The following MYO19 variants were observed in gnomAD, a reference collection of about 807,000 sequenced individuals.
MYO19 encodes unconventional myosin-XIX.
A neutral mutation model predicts 129.2 loss-of-function variants in MYO19; 132 were observed. The ratio of observed to expected loss-of-function variants is 1.02; its 90% CI spans 0.89 to 1.18. The LOEUF is 1.18. Among genes scored for constraint, MYO19 ranks in the 50% most tolerant of loss-of-function variants. The pLI is 0.00. For missense variants in MYO19, 1,210 were observed against 1,216.7 expected, an observed-to-expected ratio of 0.99 and a Z score of 0.08; for synonymous variants, 531 against 477.2, an observed-to-expected ratio of 1.11 and a Z score of -1.47.
chr17:36,536,524 CTTTTTTTTTT>C (rs10715370), upstream of MYO19, among the ~76,000 whole-genome samples: 1 of 125,540 alleles, frequency 8.0e-6, no homozygotes, highest in Admixed American at 9.0e-5. Flanking sequence ...TTTTCTTTTC[CTTTTTTTTTT>C]TTTTTTTTTG....
In MYO19 at chr17:36,531,004, G is replaced by A. The variant is rs2073801065; in HGVS notation, c.12+1523C>T. Among the ~76,000 whole-genome samples the A allele has an allele frequency of 2.6e-5, 4 of 152,206 alleles. No homozygotes were observed. The South Asian group carries it at 8.3e-4, about 32-fold the overall frequency. ...TGTAAAAGCACTTTGGGAGGCTGAG[G>A]CAGACGGATCACTTGAGGTCAGGAG... On this transcript the variant is annotated intron_variant, in intron 3 of 25. Coordinates refer to ENST00000614623, the MANE Select transcript of MYO19 (RefSeq NM_001163735.2).
intron 16 of MYO19, 77 bp downstream of exon 16, chr17:36,507,322 G>A: frequency 6.8e-7 from 1 of 1,468,782 alleles, no homozygotes; most frequent in Non-Finnish European, 9.4e-7. Context: ...GCACAGAGAG[G>A]AAACAGGATA....
At chr17:36,520,508 C>A (rs2038242915) in intron 6 of MYO19, among the ~76,000 whole-genome samples, 1 of 152,108 alleles carries the variant, frequency 6.6e-6, no homozygotes, top group African/African-American at 2.4e-5. Flanking sequence ...TTGCATGGGT[C>A]CACTTATACG....
chr17:36,532,146 A>T lies in MYO19; in HGVS notation c.12+381T>A, dbSNP rs115873495. ...CCTGGAGTGCTTATTTTCCTTCTCC[A>T]AGTGGCTAATTCTTTCTAGTTCTTT... On this transcript the variant is annotated intron_variant, in intron 3 of 25. Transcript: ENST00000614623. Among the ~76,000 whole-genome samples, 390 of 152,236 alleles carry T rather than the reference A, an allele frequency of 2.6e-3. 1 individual carries two copies. Among genetic ancestry groups the T allele is most frequent in the African/African-American group, 9.0e-3 (372 of 41,534 alleles).
rs2072601413 is a variant in MYO19, at chr17:36,514,493, C to A, written c.673G>T (p.Val225Leu). ...VQTYLLEKTR[V>L]ACQASSERNF... Reference sequence around the variant, plus strand: ...CTCTCACTGGAAGCCTGGCAGGCCACTCGAGTTTTCTCTAGGAGGTAGGTC... The same window carrying A: ...CTCTCACTGGAAGCCTGGCAGGCCAATCGAGTTTTCTCTAGGAGGTAGGTC... Residue 225 changes from valine to leucine, a missense_variant, in exon 9 of 26, where the codon GTG (valine) becomes TTG (leucine). Val to Leu is a conservative substitution (Grantham distance 32). Coordinates refer to ENST00000614623, the MANE Select transcript of MYO19 (RefSeq NM_001163735.2). 1 of 1,613,688 alleles carries A rather than the reference C, an allele frequency of 6.2e-7. No homozygotes were observed. The highest frequency in any genetic ancestry group is 1.1e-5 in the South Asian group (1 of 91,090).
At chr17:36,499,187 A>T in intron 23 of MYO19, 27 bp from the exon 24 acceptor site, 1 of 1,569,032 alleles carries the variant, frequency 6.4e-7, no homozygotes, top group Non-Finnish European at 8.7e-7. Context: ...GAAACAGGAA[A>T]GAGATAATAA....
intron 1 of MYO19, 78 bp from the exon 2 acceptor site, chr17:36,534,182 CCTT>C (rs747683979): frequency 9.8e-5 from 15 of 152,524 alleles, no homozygotes; most frequent in Admixed American, 7.8e-4. Flanking sequence ...ACCAGTCCCT[CCTT>C]CTCAGACTGT....
chr17:36,514,932 G>A (rs1567761726), intron 8 of MYO19, among the ~76,000 whole-genome samples, 181 bp downstream of exon 8: 1 of 152,212 alleles, frequency 6.6e-6, no homozygotes, highest in Non-Finnish European at 1.5e-5. Flanking sequence ...CCCAAGGGGA[G>A]AGGAGCTATA....
rs547321752 is a variant in MYO19, at chr17:36,505,527, A to G, written c.1798-123T>C. On this transcript the variant is annotated intron_variant, in intron 18 of 25. Transcript: ENST00000614623. ...CCCTTCCATGATCCTGAGACCAAGA[A>G]TCTCCTGTGCAGGGATGACTGCTGC... 8.4e-4 allele frequency: 568 copies of G among 674,768 alleles called. 2 individuals are homozygous for G. The highest frequency in any genetic ancestry group is 2.0e-4 in the Non-Finnish European group (78 of 387,204). 41.8% of individuals were successfully genotyped at this position (674,768 alleles called of 1,614,324 possible). A position where few individuals can be genotyped will look rare whatever the true frequency, so the allele number is the denominator to read the frequency against.
chr17:36,532,686 G>T lies in MYO19; in HGVS notation c.-143-5C>A. The T allele has an allele frequency of 1.1e-6, 1 of 927,920 alleles. No individual in the cohort carries two copies. The highest frequency in any genetic ancestry group is 1.7e-6 in the Non-Finnish European group (1 of 593,282). 57.5% of individuals were successfully genotyped at this position (927,920 alleles called of 1,614,324 possible). On this transcript the variant is annotated splice_polypyrimidine_tract_variant and splice_region_variant and intron_variant, in intron 2 of 25. Coordinates refer to ENST00000614623, the MANE Select transcript of MYO19 (RefSeq NM_001163735.2). ...TCAGACAAGTCACTCCAGCGCCTGT[G>T]GCATGAGAGAGAAGACAAGGACCAC...
chr17:36,538,727 T>A, upstream of MYO19: 1 of 943,624 alleles, frequency 1.1e-6, no homozygotes, highest in South Asian at 1.8e-5. Context: ...TATAAAATAG[T>A]TTCAGTCATC....
Position 36,527,616 on chromosome 17 carries a change from T to C in MYO19, c.235A>G (p.Lys79Glu), listed in dbSNP as rs1409936641. ...GGCGAGTAGAGCTGAGGAACAGGCT[T>C]GAAGGGGTTCAAGGCTACCAGGGTG... ...GCTLVALNPF[K>E]PVPQLYSPEL... Residue 79 changes from lysine (K) to glutamate (E), a missense_variant, in exon 5 of 26, where the codon AAG becomes GAG. By Grantham distance (56) the Lys-to-Glu change is moderately conservative. Coordinates refer to ENST00000614623, the MANE Select transcript of MYO19 (RefSeq NM_001163735.2). 1.2e-6 allele frequency: 2 copies of C among 1,613,896 alleles called. No homozygotes were observed. The highest frequency in any genetic ancestry group is 3.3e-5 in the Admixed American group (2 of 59,990).
intron 5 of MYO19, among the ~76,000 whole-genome samples, chr17:36,527,074 G>A (rs1042629678): frequency 6.6e-6 from 1 of 152,062 alleles, no homozygotes. Flanking sequence ...GCTGAAGCAG[G>A]AGAATTGCTT....
intron 24 of MYO19, 157 bp downstream of exon 24, chr17:36,498,918 T>A (rs898643285): frequency 1.8e-5 from 11 of 627,402 alleles, no homozygotes; most frequent in East Asian, 2.8e-5. Context: ...GGTGTTACTG[T>A]GCCCACTGCA....
upstream of MYO19, chr17:36,537,054 T>C (rs2074149422): frequency 6.7e-7 from 1 of 1,498,196 alleles, no homozygotes; most frequent in Admixed American, 2.2e-5. Flanking sequence ...ACAAGAATGC[T>C]GCTTTTCACA....
intron 2 of MYO19, among the ~76,000 whole-genome samples, chr17:36,541,051 C>T (rs1411873905): frequency 4.0e-5 from 6 of 151,866 alleles, no homozygotes; most frequent in Admixed American, 1.3e-4. Flanking sequence ...TGCAGTGGCA[C>T]GATCTCCTGC....
chr17:36,512,702 T>C, intron 11 of MYO19: 1 of 1,289,200 alleles, frequency 7.8e-7, no homozygotes, highest in East Asian at 5.5e-5. Flanking sequence ...AGGGTCACTT[T>C]CCACTGCATT....
At chr17:36,537,709 T>C (rs12952744), upstream of MYO19, 11 of 1,614,060 alleles carry the variant, frequency 6.8e-6, no homozygotes, top group East Asian at 2.4e-4. Flanking sequence ...ACAAACTCAT[T>C]GTACTCTGTT....
rs1410522622 is a variant in MYO19, at chr17:36,496,041, G to A, written c.*210C>T. 4 of 810,430 alleles carry A rather than the reference G, an allele frequency of 4.9e-6. No individual in the cohort carries two copies. Among genetic ancestry groups the A allele is most frequent in the Non-Finnish European group, 7.4e-6 (4 of 537,292 alleles). 50.2% of individuals were successfully genotyped at this position (810,430 alleles called of 1,614,324 possible). ...CTTAACCCTGATTTGGTAACTACCA[G>A]CCCTGACACCATCAGTGCTTGATGT... On this transcript the variant is annotated 3_prime_UTR_variant, in exon 26 of 26. Coordinates refer to ENST00000614623, the MANE Select transcript of MYO19 (RefSeq NM_001163735.2).
Sources: gnomAD v4.1 joint callset for allele counts (sites outside exome capture counted in the v4.1 genomes callset) on GRCh38, gnomAD v4.1.1 for gene constraint, MANE v1.5 for transcripts, NCBI Gene and HGNC (gene_info 2026-07-23, HGNC 2026-07-21) for gene names.